ZFP69B: variants seen among roughly 807,000 people sequenced by gnomAD.
ZFP69B encodes zinc finger protein 69 homolog B.
In ZFP69B, 20 loss-of-function variants were observed where a neutral mutation model predicts 19.7. That is an observed-to-expected ratio of 1.02 (90% CI 0.71 to 1.48). The LOEUF is 1.48. ZFP69B is among the 40% of genes most tolerant of loss of function. The pLI is 0.00. For missense variants in ZFP69B, 583 were observed against 632.6 expected (o/e 0.92, Z 0.84); for synonymous variants, 220 against 222.7 (o/e 0.99, Z 0.11).
intron 4 of ZFP69B, among the ~76,000 whole-genome samples, chr1:40,458,572 C>T (rs1441501265): frequency 3.3e-5 from 5 of 151,048 alleles, no homozygotes; most frequent in African/African-American, 4.9e-5. Flanking sequence ...GCTGGAGTGC[C>T]GTGGTGCAGT....
At chr1:40,462,379 A>C in intron 4 of ZFP69B, 42 bp from the exon 5 acceptor site, 1 of 1,523,644 alleles carries the variant, frequency 6.6e-7, no homozygotes, top group Non-Finnish European at 8.8e-7. Flanking sequence ...AATTTTTTAA[A>C]GTGCAAGGAA....
chr1:40,456,306 G>T (rs1645232357), intron 2 of ZFP69B, among the ~76,000 whole-genome samples: 1 of 152,086 alleles, frequency 6.6e-6, no homozygotes, highest in Non-Finnish European at 1.5e-5. Flanking sequence ...ATTCTAAATG[G>T]CATGAGATCG....
chr1:40,457,461 C>T (rs2272995), intron 4 of ZFP69B, 22 bp downstream of exon 4: 42,370 of 1,602,932 alleles, frequency 0.026, 1,108 homozygotes, highest in East Asian at 0.16. Context: ...GCAGGTGGGG[C>T]CTTTGTGATG....
At chr1:40,461,145 C>CAAA (rs576934778) in intron 4 of ZFP69B, among the ~76,000 whole-genome samples, 5 of 51,380 alleles carry the variant, frequency 9.7e-5, no homozygotes, top group African/African-American at 1.2e-4. Context: ...GACCCCATCA[C>CAAA]AAAAAAAAAA....
intron 1 of ZFP69B, among the ~76,000 whole-genome samples, chr1:40,452,804 A>G (rs775389983): frequency 1.3e-5 from 2 of 152,238 alleles, no homozygotes; most frequent in African/African-American, 2.4e-5. Context: ...ATAAAGTATT[A>G]TGATGCAGAC....
intron 4 of ZFP69B, among the ~76,000 whole-genome samples, chr1:40,458,016 T>C (rs1237173227): frequency 5.9e-5 from 9 of 152,198 alleles, no homozygotes. Context: ...TTCTTTAACA[T>C]TTAAGTACAG....
Position 40,450,966 on chromosome 1 carries a change from T to A in ZFP69B, c.5T>A (p.Leu2Gln). M[L>Q]QQLLITLPTE... is the part of the protein sequence containing the mutation. ...GAAAGGAGTGCGGACGCCGTCATGC[T>A]GCAGCAGCTCCTGATCACCCTGCCC... is the stretch of plus-strand genomic sequence containing the variant. Residue 2 changes from leucine to glutamine, a missense_variant, in exon 1 of 5, where the codon CTG becomes CAG. Transcript: ENST00000361584. The A allele has an allele frequency of 6.5e-7, 1 of 1,548,876 alleles. No individual in the cohort carries two copies. The highest frequency in any genetic ancestry group is 2.5e-5 in the East Asian group (1 of 40,648).
At chr1:40,459,193 C>T (rs1331602710) in intron 4 of ZFP69B, among the ~76,000 whole-genome samples, 1 of 152,220 alleles carries the variant, frequency 6.6e-6, no homozygotes, top group East Asian at 1.9e-4. Flanking sequence ...GTCTTTTTTA[C>T]ACTGTTGCTC....
chr1:40,463,419 C>T lies in ZFP69B; in HGVS notation c.1435C>T (p.His479Tyr). 1 of 1,613,894 alleles carries T rather than the reference C, an allele frequency of 6.2e-7. No individual in the cohort carries two copies. Among genetic ancestry groups the T allele is most frequent in the South Asian group, 1.1e-5 (1 of 91,066 alleles). Reference protein sequence around the residue: ...HTGVKPYECSHCGKAFRHDSS... With the variant: ...HTGVKPYECSYCGKAFRHDSS... ...TGGAGTAAAACCTTATGAATGCAGT[C>T]ATTGTGGGAAAGCCTTTAGGCATGA... is the stretch of plus-strand genomic sequence containing the variant. Residue 479 changes from histidine to tyrosine, a missense_variant, in exon 5 of 5, where the codon CAT (histidine) becomes TAT (tyrosine). Coordinates refer to ENST00000361584, the MANE Select transcript of ZFP69B (RefSeq NM_023070.3).
intron 4 of ZFP69B, among the ~76,000 whole-genome samples, chr1:40,460,390 C>G (rs1557513012): frequency 1.3e-5 from 2 of 152,160 alleles, no homozygotes; most frequent in Admixed American, 1.3e-4. Context: ...CCCAGCAACT[C>G]AGAAGGCTGA....
intron 4 of ZFP69B, among the ~76,000 whole-genome samples, chr1:40,460,356 T>C (rs775845022): frequency 3.3e-5 from 5 of 152,178 alleles, no homozygotes; most frequent in Admixed American, 6.5e-5. Flanking sequence ...TAAGATAGCC[T>C]AGCTGGGTGG....
chr1:40,463,538 T>C lies in ZFP69B; in HGVS notation c.1554T>C (p.Leu518=). The C allele has an allele frequency of 6.2e-7, 1 of 1,613,846 alleles. No homozygotes were observed. The highest frequency in any genetic ancestry group is 8.5e-7 in the Non-Finnish European group (1 of 1,179,862). ...AAGCCTTCAGCTGTAGTTCATCCCTTATTAGACACTGCAAAACACATTTAA... is the reference window on the plus strand; with the variant it reads ...AAGCCTTCAGCTGTAGTTCATCCCTCATTAGACACTGCAAAACACATTTAA... ...CGKAFSCSSS[L]IRHCKTHLRN... is the part of the protein sequence containing the mutation. The change falls in exon 5 of 5, where the codon CTT becomes CTC. Residue 518 remains leucine (L), a synonymous_variant. Coordinates refer to ENST00000361584, the MANE Select transcript of ZFP69B (RefSeq NM_023070.3).
Position 40,450,851 on chromosome 1 carries a change from C to T in ZFP69B, c.-111C>T. The T allele has an allele frequency of 8.0e-7, 1 of 1,251,544 alleles. No homozygotes were observed. Among genetic ancestry groups the T allele is most frequent in the East Asian group, 3.0e-5 (1 of 32,910 alleles). The allele number at this position is 1,251,544 out of a possible 1,614,324, so 77.5% of individuals were successfully genotyped here. On this transcript the variant is annotated 5_prime_UTR_variant, in exon 1 of 5. Transcript: ENST00000361584. ...AGTAGGAGTCGGCGATTAAGGAGAT[C>T]GGTACAATTGGGAAGCCTCCTGTCA... is the stretch of plus-strand genomic sequence containing the variant.
intron 4 of ZFP69B, among the ~76,000 whole-genome samples, chr1:40,459,740 C>A (rs1392429657): frequency 1.3e-5 from 2 of 152,106 alleles, no homozygotes; most frequent in Non-Finnish European, 2.9e-5. Flanking sequence ...CTAAACATCT[C>A]CCTAGTCCCT....
Position 40,451,070 on chromosome 1 carries a change from A to G in ZFP69B, c.109A>G (p.Lys37Glu). 6.5e-7 allele frequency: 1 copy of G among 1,545,152 alleles called. No homozygotes were observed. The highest frequency in any genetic ancestry group is 8.7e-7 in the Non-Finnish European group (1 of 1,144,126). Residue 37 changes from lysine to glutamate, a missense_variant, in exon 1 of 5, where the codon AAG becomes GAG. Coordinates refer to ENST00000361584, the MANE Select transcript of ZFP69B (RefSeq NM_023070.3). ...ERVALWEDVT[K>E]MFKAEALLSQ... ...GGTGGCCCTGTGGGAGGATGTGACT[A>G]AGATGTTTAAAGCAGAAGGTAAGAA... is the stretch of plus-strand genomic sequence containing the variant.
Position 40,456,982 on chromosome 1 carries a change from C to A in ZFP69B, c.251C>A (p.Thr84Asn). ...TTCAAGGACGTATCTGTGGACTTCACTCAGGAGGAGTGGGGGCAGCTGGCC... is the reference window on the plus strand; with the variant it reads ...TTCAAGGACGTATCTGTGGACTTCAATCAGGAGGAGTGGGGGCAGCTGGCC... ...LTFKDVSVDFTQEEWGQLAPA... is the reference protein window; with the variant it reads ...LTFKDVSVDFNQEEWGQLAPA... The change falls in exon 3 of 5, where the codon ACT becomes AAT. Residue 84 changes from threonine (T) to asparagine (N), a missense_variant. Physicochemically the swap from Thr to Asn is moderately conservative, Grantham distance 65 (BLOSUM62 0). Transcript: ENST00000361584. The A allele has an allele frequency of 6.2e-7, 1 of 1,613,994 alleles. No individual in the cohort carries two copies. Among genetic ancestry groups the A allele is most frequent in the South Asian group, 1.1e-5 (1 of 91,068 alleles).
chr1:40,455,788 G>A (rs1490235533), intron 2 of ZFP69B, among the ~76,000 whole-genome samples: 2 of 152,090 alleles, frequency 1.3e-5, no homozygotes, highest in African/African-American at 4.8e-5. Flanking sequence ...CCTGGTGTGT[G>A]ATGTTCCCCT....
chr1:40,459,052 G>T (rs1218111898), intron 4 of ZFP69B, among the ~76,000 whole-genome samples: 1 of 152,196 alleles, frequency 6.6e-6, no homozygotes, highest in African/African-American at 2.4e-5. Flanking sequence ...TAACAGGAGA[G>T]ACCTTTGTGA....
intron 4 of ZFP69B, among the ~76,000 whole-genome samples, chr1:40,457,780 A>C (rs1337901661): frequency 1.3e-5 from 2 of 152,188 alleles, no homozygotes; most frequent in African/African-American, 4.8e-5. Flanking sequence ...CTCATTAAAC[A>C]CAGTCCACTT....
Sources: gnomAD v4.1 joint callset for allele counts (sites outside exome capture counted in the v4.1 genomes callset) on GRCh38, gnomAD v4.1.1 for gene constraint, MANE v1.5 for transcripts, NCBI Gene and HGNC (gene_info 2026-07-23, HGNC 2026-07-21) for gene names.